The following HIVEP3 variants were observed in gnomAD, a reference collection of about 807,000 sequenced individuals.
The protein encoded by HIVEP3 is HIVEP zinc finger 3.
A neutral mutation model predicts 152.8 loss-of-function variants in HIVEP3; 49 were observed. The ratio of observed to expected loss-of-function variants is 0.32; its 90% CI spans 0.26 to 0.41. The LOEUF (loss-of-function observed/expected upper bound fraction) is 0.41. Among genes scored for constraint, HIVEP3 ranks in the 10% least tolerant of loss-of-function variants. HIVEP3 has a pLI of 1.00. For missense variants in HIVEP3, 2,790 were observed against 3,103.3 expected (o/e 0.90, Z 2.40); for synonymous variants, 1,269 against 1,289.0 (o/e 0.98, Z 0.33).
At chr1:41,726,055 A>G (rs1646747651) in intron 1 of HIVEP3, among the ~76,000 whole-genome samples, 1 of 152,238 alleles carries the variant, frequency 6.6e-6, no homozygotes, top group Non-Finnish European at 1.5e-5. Context: ...CCCCAAAAGG[A>G]GGGCTGTTTC....
At chr1:41,834,451 C>T (rs116168838) in intron 1 of HIVEP3, among the ~76,000 whole-genome samples, 64 of 152,334 alleles carry the variant, frequency 4.2e-4, no homozygotes, top group Admixed American at 1.1e-3. Context: ...TTCTCCAGCA[C>T]ACCAAGTGTT....
At chr1:41,714,628 C>T (rs1646562659) in intron 1 of HIVEP3, among the ~76,000 whole-genome samples, 1 of 152,160 alleles carries the variant, frequency 6.6e-6, no homozygotes, top group Non-Finnish European at 1.5e-5. Context: ...GGCCTCAGGA[C>T]ACCTGGCCCC....
At position 41,664,189 on chromosome 1, in the gene HIVEP3, C is replaced by G. The variant is rs1440060644; in HGVS notation, c.-720-35242G>C. Among the ~76,000 whole-genome samples, 3 of 152,230 alleles carry G rather than the reference C, an allele frequency of 2.0e-5. No homozygotes were observed. The highest frequency in any genetic ancestry group is 7.2e-5 in the African/African-American group (3 of 41,456). On this transcript the variant is annotated intron_variant, in intron 2 of 8. Coordinates refer to ENST00000372583, the MANE Select transcript of HIVEP3 (RefSeq NM_024503.5). The surrounding 1 kb of genome is among the most constrained non-coding windows in gnomAD (Gnocchi z 4.4). ...GAGCAGGGCAACTGGGGTGGGGTGC[C>G]CCCTGGGACAGATTCCTGCTCCTCA...
At chr1:42,022,061 A>G (rs1235315589) in intron 1 of HIVEP3, among the ~76,000 whole-genome samples, 1 of 152,194 alleles carries the variant, frequency 6.6e-6, no homozygotes, top group East Asian at 1.9e-4. Flanking sequence ...CACAACCAGG[A>G]GAAGAGCGAA....
chr1:41,545,470 C>CCAA (rs201108938), intron 5 of HIVEP3, among the ~76,000 whole-genome samples: 1 of 143,180 alleles, frequency 7.0e-6, no homozygotes. Context: ...ATCACCACCA[C>CCAA]CAACACCACT....
intron 1 of HIVEP3, among the ~76,000 whole-genome samples, chr1:41,714,506 G>A (rs1646561293): frequency 6.6e-6 from 1 of 152,208 alleles, no homozygotes; most frequent in Non-Finnish European, 1.5e-5. Context: ...CAGCAGGGGG[G>A]ATGAGGGGAT....
At chr1:41,560,272 C>CA (rs2149087892) in intron 5 of HIVEP3, among the ~76,000 whole-genome samples, 1 of 152,258 alleles carries the variant, frequency 6.6e-6, no homozygotes, top group Non-Finnish European at 1.5e-5. Context: ...AGAGGTTAAA[C>CA]AACTTTTGTG....
chr1:42,000,717 C>G (rs1557556631), intron 1 of HIVEP3, among the ~76,000 whole-genome samples: 1 of 152,188 alleles, frequency 6.6e-6, no homozygotes, highest in Admixed American at 6.5e-5. Context: ...ACTTTCAAAT[C>G]AGCACCCAAA....
intron 3 of HIVEP3, among the ~76,000 whole-genome samples, chr1:41,593,002 A>G (rs1029438697): frequency 6.6e-6 from 1 of 152,080 alleles, no homozygotes. Context: ...CATGTCATCA[A>G]TCCCCAAATC....
At chr1:41,891,324 T>C (rs1330602790) in intron 1 of HIVEP3, among the ~76,000 whole-genome samples, 1 of 152,246 alleles carries the variant, frequency 6.6e-6, no homozygotes, top group Non-Finnish European at 1.5e-5. Context: ...CATGTATTTC[T>C]ACTCACATAA....
chr1:41,619,744 C>CATATG (rs1558121172), intron 3 of HIVEP3, among the ~76,000 whole-genome samples: 1 of 152,068 alleles, frequency 6.6e-6, no homozygotes, highest in Non-Finnish European at 1.5e-5. Context: ...GGAGGCTGTC[C>CATATG]GAATGCTATA....
intron 2 of HIVEP3, among the ~76,000 whole-genome samples, chr1:41,689,527 G>C (rs998286627): frequency 2.5e-4 from 38 of 152,260 alleles, no homozygotes; most frequent in African/African-American, 7.5e-4. Context: ...AGAGTCCCTG[G>C]GAGGAAAAAC....
intron 1 of HIVEP3, among the ~76,000 whole-genome samples, chr1:42,029,071 C>T (rs942519902): frequency 5.3e-5 from 8 of 152,198 alleles, no homozygotes; most frequent in Non-Finnish European, 1.2e-4. Flanking sequence ...GAAGAATATA[C>T]ATCCATTGAG....
At chr1:41,849,432 T>C (rs1643533651) in intron 1 of HIVEP3, among the ~76,000 whole-genome samples, 1 of 152,136 alleles carries the variant, frequency 6.6e-6, no homozygotes, top group Middle Eastern at 3.2e-3. Context: ...CTGTCACAAC[T>C]TCTGGAAGCA....
intron 1 of HIVEP3, among the ~76,000 whole-genome samples, chr1:41,777,410 C>T (rs114815992): frequency 2.8e-3 from 425 of 152,318 alleles, no homozygotes; most frequent in African/African-American, 9.7e-3. Context: ...GCTGTGTGCC[C>T]AGGGCTCTCT....
At chr1:41,660,014 A>G (rs1645688675) in intron 2 of HIVEP3, among the ~76,000 whole-genome samples, 1 of 152,226 alleles carries the variant, frequency 6.6e-6, no homozygotes, top group Admixed American at 6.5e-5. Flanking sequence ...ACAGGATCGC[A>G]TAAGTGAGAG....
At chr1:42,025,099 T>C (rs571518949) in intron 1 of HIVEP3, among the ~76,000 whole-genome samples, 4 of 152,346 alleles carry the variant, frequency 2.6e-5, no homozygotes, top group Non-Finnish European at 5.9e-5. Context: ...TCTCCTTGAA[T>C]AGTTGTTTCT....
intron 1 of HIVEP3, among the ~76,000 whole-genome samples, chr1:41,986,994 T>G (rs1645327661): frequency 6.6e-6 from 1 of 152,240 alleles, no homozygotes. Flanking sequence ...ATCTGTATAC[T>G]GTACTATACT....
chr1:41,838,459 A>AG (rs1370170475), intron 1 of HIVEP3, among the ~76,000 whole-genome samples: 1 of 152,134 alleles, frequency 6.6e-6, no homozygotes, highest in Non-Finnish European at 1.5e-5. Flanking sequence ...CATTGCTGTC[A>AG]GGATGCTTGG....
Sources: allele counts gnomAD v4.1 joint callset (sites outside exome capture counted in the v4.1 genomes callset), GRCh38; gene constraint gnomAD v4.1.1; non-coding constraint Gnocchi (gnomAD v3.1); transcripts MANE v1.5; gene names NCBI Gene and HGNC (gene_info 2026-07-23, HGNC 2026-07-21).